The following XYLT1 variants were observed in gnomAD, a reference collection of about 807,000 sequenced individuals.
XYLT1 encodes beta-D-xylosyltransferase 1.
XYLT1 carries 36 observed loss-of-function variants against 91.3 expected under a neutral mutation model. That is an observed-to-expected ratio of 0.39 (90% CI 0.30 to 0.52). The LOEUF is 0.52. Ranked by LOEUF, XYLT1 falls within the 20% of genes least tolerant of loss-of-function variation. The probability of loss-of-function intolerance (pLI) is 0.68; values close to 1 mark genes in which losing one functional copy is unlikely to be tolerated. For synonymous variants in XYLT1, 588 were observed against 532.0 expected (o/e 1.11, Z -1.45); for missense variants, 1,242 against 1,284.5 (o/e 0.97, Z 0.51).
chr16:17,299,451 A>G (rs541956169), intron 2 of XYLT1, among the ~76,000 whole-genome samples: 30 of 152,366 alleles, frequency 2.0e-4, no homozygotes, highest in Admixed American at 5.9e-4. Flanking sequence ...CTTCCAGAAC[A>G]AACTATTGCC....
Position 17,117,782 on chromosome 16 carries a change from G to T in XYLT1, c.2421C>A (p.His807Gln), listed in dbSNP as rs745406512. 1.9e-6 allele frequency: 3 copies of T among 1,614,088 alleles called. No individual in the cohort carries two copies. Among genetic ancestry groups the T allele is most frequent in the Non-Finnish European group, 2.5e-6 (3 of 1,180,040 alleles). Residue 807 changes from histidine to glutamine, a missense_variant, in exon 11 of 12, where the codon CAC becomes CAA. By Grantham distance (24) the His-to-Gln change is conservative. Around this residue, in one of 3 missense-constraint regions of XYLT1, gnomAD observed 511 missense variants for 497.0 expected, o/e 1.03. Coordinates refer to ENST00000261381, the MANE Select transcript of XYLT1 (RefSeq NM_022166.4). ...ILIESTAEFTHYKPPLNLPLR... is the reference protein window; with the variant it reads ...ILIESTAEFTQYKPPLNLPLR... ...GGGGCAAGTTCAAAGGGGGCTTGTAGTGTGTGAATTCGGCAGTGGACTCAA... is the reference window on the plus strand; with the variant it reads ...GGGGCAAGTTCAAAGGGGGCTTGTATTGTGTGAATTCGGCAGTGGACTCAA...
At chr16:17,110,712 C>G (rs1966839193) in intron 11 of XYLT1, among the ~76,000 whole-genome samples, 2 of 152,164 alleles carry the variant, frequency 1.3e-5, no homozygotes, top group Admixed American at 1.3e-4. Flanking sequence ...ATCATTCCTA[C>G]TTTACAGATG....
chr16:17,248,616 C>T (rs1443720492), intron 3 of XYLT1, among the ~76,000 whole-genome samples: 1 of 152,144 alleles, frequency 6.6e-6, no homozygotes, highest in Non-Finnish European at 1.5e-5. Context: ...GCACACGATA[C>T]TCCCTTGACC....
chr16:17,136,939 T>TTCTC (rs1296527010), intron 8 of XYLT1, among the ~76,000 whole-genome samples: 3 of 152,120 alleles, frequency 2.0e-5, no homozygotes, highest in African/African-American at 7.2e-5. Context: ...GTGATGAAGA[T>TTCTC]TCTCTGCGAT....
intron 5 of XYLT1, among the ~76,000 whole-genome samples, chr16:17,190,468 C>T (rs1237440036): frequency 7.4e-6 from 1 of 135,416 alleles, no homozygotes; most frequent in African/African-American, 2.8e-5. Flanking sequence ...CAACAGTCCC[C>T]GGTGTGTGAT....
chr16:17,288,246 G>T (rs771629188), intron 2 of XYLT1, among the ~76,000 whole-genome samples: 1 of 151,174 alleles, frequency 6.6e-6, no homozygotes. Flanking sequence ...AATTCTTCAG[G>T]TGGGGGCCGG....
At chr16:17,119,743 A>G (rs1353185089) in intron 10 of XYLT1, among the ~76,000 whole-genome samples, 1 of 152,208 alleles carries the variant, frequency 6.6e-6, no homozygotes, top group African/African-American at 2.4e-5. Flanking sequence ...GAAGTGAGAT[A>G]ACTCGCTATG....
Position 17,430,954 on chromosome 16 carries a change from C to T in XYLT1, c.363+39480G>A, listed in dbSNP as rs191552399. On this transcript the variant is annotated intron_variant, in intron 1 of 11. Coordinates refer to ENST00000261381, the MANE Select transcript of XYLT1 (RefSeq NM_022166.4). ...AATGACCCAAAATGTATAATAAATGCAAAATGAGAAAAGCTAAACATGAAA... is the reference window on the plus strand; with the variant it reads ...AATGACCCAAAATGTATAATAAATGTAAAATGAGAAAAGCTAAACATGAAA... Among the ~76,000 whole-genome samples, 327 of 152,096 alleles carry T rather than the reference C, an allele frequency of 2.1e-3. 2 individuals carry two copies. The highest frequency in any genetic ancestry group is 7.3e-3 in the Admixed American group (112 of 15,274).
chr16:17,379,937 T>C (rs2141882619), intron 1 of XYLT1, among the ~76,000 whole-genome samples: 1 of 152,312 alleles, frequency 6.6e-6, no homozygotes, highest in East Asian at 1.9e-4. Flanking sequence ...CTGATAGTTC[T>C]GGAAGAAATA....
intron 2 of XYLT1, among the ~76,000 whole-genome samples, chr16:17,356,422 C>T (rs1207977412): frequency 6.6e-6 from 1 of 152,148 alleles, no homozygotes; most frequent in Non-Finnish European, 1.5e-5. Flanking sequence ...GGCCCTGGCG[C>T]CTGGTCAGCC....
intron 2 of XYLT1, among the ~76,000 whole-genome samples, chr16:17,286,183 G>A (rs926210848): frequency 1.1e-4 from 16 of 152,090 alleles, no homozygotes; most frequent in African/African-American, 3.6e-4. Flanking sequence ...ACTAGTAATT[G>A]GTAGGACTGG....
chr16:17,146,423 T>A (rs554158103), intron 6 of XYLT1, among the ~76,000 whole-genome samples: 3 of 152,242 alleles, frequency 2.0e-5, no homozygotes, highest in South Asian at 4.1e-4. Context: ...CCTCTCTGAG[T>A]CTCAGTTTCT....
chr16:17,372,870 T>C (rs918030578), intron 1 of XYLT1, among the ~76,000 whole-genome samples: 1 of 152,216 alleles, frequency 6.6e-6, no homozygotes, highest in African/African-American at 2.4e-5. Context: ...CGAATATCTG[T>C]AAAGCACTTA....
At chr16:17,197,381 CCT>C (rs1220702309) in intron 5 of XYLT1, among the ~76,000 whole-genome samples, 7 of 152,074 alleles carry the variant, frequency 4.6e-5, no homozygotes, top group African/African-American at 1.7e-4. Flanking sequence ...TACTTTTGCC[CCT>C]TACTTTATTT....
At position 17,103,389 on chromosome 16, in the gene XYLT1, A is replaced by T. The variant is rs887110883; in HGVS notation, c.*5306T>A. The T allele has an allele frequency of 6.6e-6, 1 of 152,504 alleles. No homozygotes were observed. Among genetic ancestry groups the T allele is most frequent in the African/African-American group, 2.4e-5 (1 of 41,446 alleles). 9.4% of individuals were successfully genotyped at this position (152,504 alleles called of 1,614,324 possible). On this transcript the variant is annotated 3_prime_UTR_variant, in exon 12 of 12. Coordinates refer to ENST00000261381, the MANE Select transcript of XYLT1 (RefSeq NM_022166.4). ...CCTTCATTTTGCCCATAGGAAAAATATAAGAACATTTTTCTTAAAGACGAC... is the reference window on the plus strand; with the variant it reads ...CCTTCATTTTGCCCATAGGAAAAATTTAAGAACATTTTTCTTAAAGACGAC...
At chr16:17,234,588 T>TC (rs2033217292) in intron 3 of XYLT1, among the ~76,000 whole-genome samples, 1 of 151,620 alleles carries the variant, frequency 6.6e-6, no homozygotes, top group African/African-American at 2.4e-5. Flanking sequence ...GACTACTCTT[T>TC]TTTTTTTTTT....
At chr16:17,290,573 C>G (rs141508584) in intron 2 of XYLT1, among the ~76,000 whole-genome samples, 8 of 152,348 alleles carry the variant, frequency 5.3e-5, no homozygotes, top group African/African-American at 1.9e-4. Context: ...ACTGTTGAAT[C>G]GACCCAAGGA....
At chr16:17,119,573 G>C (rs1271511645) in intron 10 of XYLT1, among the ~76,000 whole-genome samples, 1 of 152,188 alleles carries the variant, frequency 6.6e-6, no homozygotes, top group Admixed American at 6.5e-5. Context: ...TACTATGTCA[G>C]TCCATTCTTT....
intron 1 of XYLT1, among the ~76,000 whole-genome samples, chr16:17,435,253 C>T (rs1367187303): frequency 2.0e-5 from 3 of 152,224 alleles, no homozygotes; most frequent in Non-Finnish European, 2.9e-5. Context: ...ACTCTCCATT[C>T]ACTGACTTTT....
Sources: allele counts gnomAD v4.1 joint callset (sites outside exome capture counted in the v4.1 genomes callset), GRCh38; gene constraint gnomAD v4.1.1; regional missense constraint gnomAD v4.1.1; transcripts MANE v1.5; gene names NCBI Gene and HGNC (gene_info 2026-07-23, HGNC 2026-07-21).